SYT16: variants seen among roughly 807,000 people sequenced by gnomAD.
SYT16 encodes synaptotagmin 16, also known as synaptotagmin-16.
A neutral mutation model predicts 61.4 loss-of-function variants in SYT16; 42 were observed. The observed-to-expected ratio is 0.68, with a 90% confidence interval of 0.53 to 0.89. The LOEUF is 0.89. SYT16 is among the 40% of genes least tolerant of loss of function. The pLI, the probability that SYT16 is intolerant of heterozygous loss-of-function variation, is 0.00. For missense variants in SYT16, 804 were observed against 807.3 expected (o/e 1.00, Z 0.05); for synonymous variants, 314 against 302.3 (o/e 1.04, Z -0.40).
At chr14:62,016,941 A>G (rs915114200) in intron 3 of SYT16, among the ~76,000 whole-genome samples, 4 of 152,176 alleles carry the variant, frequency 2.6e-5, no homozygotes, top group African/African-American at 9.6e-5. Context: ...TAGTACTGTG[A>G]TTTTCCTGTG....
At chr14:61,962,687 A>G (rs753830621) in intron 1 of SYT16, among the ~76,000 whole-genome samples, 20 of 150,718 alleles carry the variant, frequency 1.3e-4, no homozygotes, top group Non-Finnish European at 1.5e-4. Context: ...AACTTTCTTT[A>G]CTCTTTTCAT....
At chr14:62,046,408 G>A (rs1278010998) in intron 3 of SYT16, among the ~76,000 whole-genome samples, 2 of 152,016 alleles carry the variant, frequency 1.3e-5, no homozygotes, top group East Asian at 3.9e-4. Context: ...TAGGTTGCCT[G>A]TTCACTCTGA....
chr14:62,056,950 C>A (rs142642658), intron 3 of SYT16, among the ~76,000 whole-genome samples: 1 of 152,110 alleles, frequency 6.6e-6, no homozygotes. Flanking sequence ...GGAGGCTCTT[C>A]GGGAGGCATG....
intron 3 of SYT16, among the ~76,000 whole-genome samples, chr14:62,022,095 A>C (rs779486432): frequency 4.0e-5 from 6 of 150,946 alleles, no homozygotes; most frequent in African/African-American, 1.5e-4. Flanking sequence ...GAAGAGTATT[A>C]TAATTCTTGT....
At chr14:62,080,784 A>G in intron 5 of SYT16, 50 bp from the exon 6 acceptor site, 1 of 1,537,040 alleles carries the variant, frequency 6.5e-7, no homozygotes, top group Non-Finnish European at 8.8e-7. Context: ...GCCAAAATGT[A>G]ATTGGGTATC....
intron 6 of SYT16, among the ~76,000 whole-genome samples, chr14:62,081,798 A>C (rs2056717254): frequency 6.6e-6 from 1 of 152,212 alleles, no homozygotes; most frequent in African/African-American, 2.4e-5. Flanking sequence ...ACATGCCTAC[A>C]GGATGGGCAG....
chr14:61,910,341 C>T (rs2048882568), intron 1 of SYT16, among the ~76,000 whole-genome samples: 1 of 151,174 alleles, frequency 6.6e-6, no homozygotes, highest in Non-Finnish European at 1.5e-5. Context: ...CAGGTTCAAG[C>T]AATTCTCCTG....
chr14:61,925,322 A>G (rs1167289789), intron 1 of SYT16, among the ~76,000 whole-genome samples: 1 of 152,176 alleles, frequency 6.6e-6, no homozygotes, highest in Non-Finnish European at 1.5e-5. Flanking sequence ...GCTTTTTGGC[A>G]GTAAGAAAGG....
chr14:61,910,073 T>C (rs532932002), intron 1 of SYT16, among the ~76,000 whole-genome samples: 1 of 152,358 alleles, frequency 6.6e-6, no homozygotes, highest in East Asian at 1.9e-4. Context: ...TGCTCTAAAT[T>C]TGACAAGTAT....
chr14:61,836,954 C>G (rs994140999), intron 1 of SYT16, among the ~76,000 whole-genome samples: 1 of 152,268 alleles, frequency 6.6e-6, no homozygotes, highest in Non-Finnish European at 1.5e-5. Context: ...TCCTACCTCC[C>G]CTGCAGACAG....
chr14:62,036,391 G>A (rs1170717733), intron 3 of SYT16, among the ~76,000 whole-genome samples: 1 of 152,070 alleles, frequency 6.6e-6, no homozygotes, highest in East Asian at 1.9e-4. Context: ...TTGAATACAT[G>A]TGTCAAGAGT....
chr14:61,816,528 GA>G (rs1474203845), intron 1 of SYT16, among the ~76,000 whole-genome samples: 1 of 152,138 alleles, frequency 6.6e-6, no homozygotes, highest in East Asian at 1.9e-4. Context: ...AAGAGAGTTA[GA>G]AAATTACTAC....
chr14:61,832,637 C>T (rs561657299), intron 1 of SYT16, among the ~76,000 whole-genome samples: 2 of 152,192 alleles, frequency 1.3e-5, no homozygotes, highest in South Asian at 4.1e-4. Context: ...GGGGTTTCAC[C>T]ATGTTGGCCA....
chr14:61,874,482 G>A (rs911750710), intron 1 of SYT16, among the ~76,000 whole-genome samples: 29 of 152,252 alleles, frequency 1.9e-4, no homozygotes, highest in African/African-American at 7.0e-4. Context: ...GTATACCGAG[G>A]AACAACTGTA....
At chr14:61,957,808 A>C (rs1235246019) in intron 1 of SYT16, among the ~76,000 whole-genome samples, 2 of 151,914 alleles carry the variant, frequency 1.3e-5, no homozygotes, top group African/African-American at 4.8e-5. Flanking sequence ...ATTTGGTGAT[A>C]ATGGCCTCAT....
intron 1 of SYT16, among the ~76,000 whole-genome samples, chr14:61,929,984 G>A (rs907484217): frequency 2.6e-5 from 4 of 152,130 alleles, no homozygotes; most frequent in African/African-American, 9.7e-5. Flanking sequence ...GGAAACATAA[G>A]GCACTTTTCC....
chr14:62,029,405 A>G (rs2054224591), intron 3 of SYT16, among the ~76,000 whole-genome samples: 1 of 152,188 alleles, frequency 6.6e-6, no homozygotes, highest in Non-Finnish European at 1.5e-5. Flanking sequence ...TGCTGGGAAT[A>G]GGCGTCGGGC....
chr14:61,873,415 G>T (rs757530209), intron 1 of SYT16, among the ~76,000 whole-genome samples: 1 of 152,080 alleles, frequency 6.6e-6, no homozygotes, highest in Non-Finnish European at 1.5e-5. Context: ...TTAACAAACC[G>T]TCTTTCCTTT....
chr14:61,903,178 T>G (rs184376212), intron 1 of SYT16, among the ~76,000 whole-genome samples: 1 of 152,266 alleles, frequency 6.6e-6, no homozygotes, highest in East Asian at 1.9e-4. Context: ...CAATATGACC[T>G]CATCTTCACT....
Sources: allele counts gnomAD v4.1 joint callset (sites outside exome capture counted in the v4.1 genomes callset), GRCh38; gene constraint gnomAD v4.1.1; transcripts MANE v1.5; gene names NCBI Gene and HGNC (gene_info 2026-07-23, HGNC 2026-07-21).